FHIP1A: variants seen among roughly 807,000 people sequenced by gnomAD.
FHIP1A encodes the protein FHF complex subunit HOOK interacting protein 1A.
Under a neutral mutation model 88.6 loss-of-function variants are expected in FHIP1A, and 61 were observed. That is an observed-to-expected ratio of 0.69 (90% CI 0.56 to 0.85). The LOEUF (loss-of-function observed/expected upper bound fraction) is 0.85, where lower values mean the gene tolerates loss of function less well. Ranked by LOEUF, FHIP1A falls within the 40% of genes least tolerant of loss-of-function variation. The pLI is 0.00. For missense variants in FHIP1A, 1,154 were observed against 1,273.5 expected (o/e 0.91, Z 1.43); for synonymous variants, 478 against 496.0 (o/e 0.96, Z 0.48).
chr4:151,580,073 C>G (rs1410890681), intron 5 of FHIP1A, among the ~76,000 whole-genome samples: 3 of 152,116 alleles, frequency 2.0e-5, no homozygotes, highest in African/African-American at 7.2e-5. Flanking sequence ...CTACTGTGCC[C>G]CAAATTACTT....
chr4:151,622,291 A>G (rs1735776949), intron 7 of FHIP1A, among the ~76,000 whole-genome samples: 1 of 152,198 alleles, frequency 6.6e-6, no homozygotes, highest in South Asian at 2.1e-4. Context: ...AGGGTAAGGT[A>G]CAATTTAAAT....
intron 7 of FHIP1A, among the ~76,000 whole-genome samples, chr4:151,600,668 C>G (rs114290241): frequency 0.027 from 4,074 of 152,262 alleles, 71 homozygotes; most frequent in Middle Eastern, 0.071. Flanking sequence ...TGTCTGGGGC[C>G]TCAGCAGGCT....
At chr4:151,575,648 T>C (rs1055642461) in intron 4 of FHIP1A, among the ~76,000 whole-genome samples, 1 of 152,194 alleles carries the variant, frequency 6.6e-6, no homozygotes, top group Non-Finnish European at 1.5e-5. Flanking sequence ...TTTTTTTGCC[T>C]TTGTGACACA....
In FHIP1A at chr4:151,663,010, T is replaced by A; in HGVS notation, c.*256T>A. 1 of 354,508 alleles carries A rather than the reference T, an allele frequency of 2.8e-6. No homozygotes were observed. Among genetic ancestry groups the A allele is most frequent in the Non-Finnish European group, 5.0e-6 (1 of 200,286 alleles). The allele number at this position is 354,508 out of a possible 1,614,324, so 22.0% of individuals were successfully genotyped here. ...TTTTCTTTGCTCTGTTTTTCCTCCT[T>A]ATATTTTTTTGGTTGTCATTCTCCT... On this transcript the variant is annotated 3_prime_UTR_variant, in exon 14 of 14. Coordinates refer to ENST00000435205, the MANE Select transcript of FHIP1A (RefSeq NM_001109977.3).
chr4:151,628,187 G>A (rs1736024437), intron 7 of FHIP1A, among the ~76,000 whole-genome samples: 3 of 152,154 alleles, frequency 2.0e-5, no homozygotes, highest in South Asian at 2.1e-4. Flanking sequence ...ACCGAGCTAG[G>A]GGAAGGGGAT....
chr4:151,430,089 T>C (rs1733538352), intron 1 of FHIP1A, among the ~76,000 whole-genome samples: 1 of 152,220 alleles, frequency 6.6e-6, no homozygotes, highest in East Asian at 1.9e-4. Flanking sequence ...AATGCTCCTC[T>C]GGATGTGTGG....
intron 11 of FHIP1A, among the ~76,000 whole-genome samples, chr4:151,651,816 G>T (rs771826197): frequency 3.4e-4 from 51 of 152,198 alleles, no homozygotes; most frequent in Non-Finnish European, 6.6e-4. Context: ...GTATATACAG[G>T]AAGAAAGCTT....
chr4:151,486,062 A>G (rs1274332547), intron 3 of FHIP1A, among the ~76,000 whole-genome samples: 3 of 152,096 alleles, frequency 2.0e-5, no homozygotes, highest in African/African-American at 4.8e-5. Flanking sequence ...GGAGTGTGCA[A>G]CCTAGATCCC....
chr4:151,559,949 T>C (rs1372055890), intron 3 of FHIP1A, among the ~76,000 whole-genome samples: 1 of 152,204 alleles, frequency 6.6e-6, no homozygotes, highest in East Asian at 1.9e-4. Flanking sequence ...GAATGTGAAC[T>C]GGCTATTAGC....
At chr4:151,487,542 G>A (rs959925519) in intron 3 of FHIP1A, among the ~76,000 whole-genome samples, 31 of 152,252 alleles carry the variant, frequency 2.0e-4, no homozygotes, top group Non-Finnish European at 4.0e-4. Context: ...TCAGGTTATC[G>A]TGTCTGGCAT....
chr4:151,495,081 A>G (rs1037126937), intron 3 of FHIP1A, among the ~76,000 whole-genome samples: 3 of 152,198 alleles, frequency 2.0e-5, no homozygotes, highest in Admixed American at 2.0e-4. Context: ...GCTTTTGGGC[A>G]GAGACTGTGG....
intron 1 of FHIP1A, among the ~76,000 whole-genome samples, chr4:151,437,840 G>A (rs1728259050): frequency 6.6e-6 from 1 of 152,094 alleles, no homozygotes; most frequent in South Asian, 2.1e-4. Flanking sequence ...CATACAGTTG[G>A]TAACTTTTTA....
chr4:151,624,383 C>A (rs758729423), intron 7 of FHIP1A, among the ~76,000 whole-genome samples: 1 of 152,128 alleles, frequency 6.6e-6, no homozygotes, highest in Admixed American at 6.5e-5. Flanking sequence ...CTGCCTCCCA[C>A]GTGTGCCTCT....
chr4:151,651,968 A>G (rs1737047337), intron 11 of FHIP1A, among the ~76,000 whole-genome samples: 1 of 152,206 alleles, frequency 6.6e-6, no homozygotes, highest in South Asian at 2.1e-4. Flanking sequence ...TAAGGGGGAC[A>G]GGGAAGGGGG....
intron 7 of FHIP1A, among the ~76,000 whole-genome samples, chr4:151,600,270 G>A (rs1417394138): frequency 6.6e-6 from 1 of 152,218 alleles, no homozygotes; most frequent in Non-Finnish European, 1.5e-5. Context: ...TTATCTGGAA[G>A]TAACACATAT....
At chr4:151,522,353 A>T (rs927970436) in intron 3 of FHIP1A, among the ~76,000 whole-genome samples, 6 of 152,210 alleles carry the variant, frequency 3.9e-5, no homozygotes, top group Non-Finnish European at 8.8e-5. Flanking sequence ...TTGGCTTTGA[A>T]GTTTTGTGTA....
intron 1 of FHIP1A, among the ~76,000 whole-genome samples, chr4:151,436,758 GA>G (rs965798529): frequency 6.6e-6 from 1 of 152,052 alleles, no homozygotes; most frequent in Non-Finnish European, 1.5e-5. Flanking sequence ...TATCAAATAA[GA>G]TTTTTTTTGG....
chr4:151,531,023 C>T (rs1731859231), intron 3 of FHIP1A, among the ~76,000 whole-genome samples: 1 of 152,000 alleles, frequency 6.6e-6, no homozygotes, highest in African/African-American at 2.4e-5. Flanking sequence ...TGGACAGGAG[C>T]CTTAATGCAT....
chr4:151,599,127 G>A (rs1377285330), intron 7 of FHIP1A, among the ~76,000 whole-genome samples: 1 of 152,096 alleles, frequency 6.6e-6, no homozygotes, highest in Non-Finnish European at 1.5e-5. Context: ...TTTAATTTAA[G>A]GTCAAAATCA....
Sources: allele counts gnomAD v4.1 joint callset (sites outside exome capture counted in the v4.1 genomes callset), GRCh38; gene constraint gnomAD v4.1.1; transcripts MANE v1.5; gene names NCBI Gene and HGNC (gene_info 2026-07-23, HGNC 2026-07-21).